FRMD4A: variants seen among roughly 807,000 people sequenced by gnomAD.
The protein encoded by FRMD4A is FERM domain-containing protein 4A.
Under a neutral mutation model 129.1 loss-of-function variants are expected in FRMD4A, and 29 were observed. That is an observed-to-expected ratio of 0.22 (90% CI 0.17 to 0.31). FRMD4A has a LOEUF of 0.31. FRMD4A is among the 10% of genes least tolerant of loss of function. The pLI is 1.00. For missense variants in FRMD4A, 1,272 were observed against 1,375.8 expected (o/e 0.92, Z 1.19); for synonymous variants, 634 against 571.6 (o/e 1.11, Z -1.56).
chr10:14,279,841 G>T (rs1845460744), intron 2 of FRMD4A, among the ~76,000 whole-genome samples: 1 of 152,198 alleles, frequency 6.6e-6, no homozygotes, highest in Non-Finnish European at 1.5e-5. Context: ...TATTCAAAAT[G>T]ACAAGTCTTC....
At chr10:13,957,703 G>A (rs1424758227) in intron 2 of FRMD4A, among the ~76,000 whole-genome samples, 2 of 152,136 alleles carry the variant, frequency 1.3e-5, no homozygotes, top group African/African-American at 4.8e-5. Context: ...TTATTTCTGC[G>A]AGCAATGTGA....
chr10:13,698,664 G>A (rs76621799), intron 14 of FRMD4A, among the ~76,000 whole-genome samples: 8,330 of 152,288 alleles, frequency 0.055, 301 homozygotes, highest in South Asian at 0.12. Context: ...TTTCACAAAC[G>A]TGGTGCCATC....
At chr10:14,007,041 T>G (rs967485578) in intron 2 of FRMD4A, 5 of 143,120 alleles carry the variant, frequency 3.5e-5, no homozygotes, top group Non-Finnish European at 7.6e-5. Flanking sequence ...AAACCTTTAG[T>G]TTTTTTTTTT....
At chr10:13,659,225 G>T in intron 21 of FRMD4A, 98 bp downstream of exon 21, 1 of 1,078,498 alleles carries the variant, frequency 9.3e-7, no homozygotes, top group Non-Finnish European at 1.4e-6. Context: ...GTTCAGGTCT[G>T]ACTGTAGCTC....
chr10:14,063,080 C>G (rs1834888795), intron 2 of FRMD4A, among the ~76,000 whole-genome samples: 1 of 152,186 alleles, frequency 6.6e-6, no homozygotes, highest in Admixed American at 6.5e-5. Context: ...TTACGAAACA[C>G]TTAATATGGG....
chr10:14,106,482 T>C (rs1327002), intron 2 of FRMD4A, among the ~76,000 whole-genome samples: 82,524 of 152,074 alleles, frequency 0.54, 24,808 homozygotes, highest in East Asian at 0.74. Context: ...AATTGGGACA[T>C]TTAAAGTATT....
At chr10:14,076,962 T>C (rs1246188775) in intron 2 of FRMD4A, among the ~76,000 whole-genome samples, 1 of 152,090 alleles carries the variant, frequency 6.6e-6, no homozygotes, top group Non-Finnish European at 1.5e-5. Context: ...GTGTCCAAGC[T>C]GGAGGGTTCT....
intron 12 of FRMD4A, 71 bp downstream of exon 12, chr10:13,737,773 T>C (rs1173431855): frequency 2.3e-6 from 2 of 852,040 alleles, no homozygotes; most frequent in East Asian, 5.0e-5. Context: ...TTAGCATTTT[T>C]AAAGTGACTC....
chr10:13,933,714 A>G (rs2095223443), intron 2 of FRMD4A, among the ~76,000 whole-genome samples: 3 of 152,086 alleles, frequency 2.0e-5, no homozygotes, highest in Admixed American at 6.5e-5. Context: ...TTTTGTTGAT[A>G]TTTTGGGTAG....
chr10:13,720,995 T>C lies in FRMD4A; in HGVS notation c.760-13882A>G, dbSNP rs375805630. Among the ~76,000 whole-genome samples the C allele has an allele frequency of 3.2e-4, 48 of 152,298 alleles. No homozygotes were observed. The East Asian group carries it at 6.2e-3, about 20-fold the overall frequency. ...ACACGAATGGCCACATACCATATGG[T>C]TCCATTTCTAGGAAATGTCCAGAAT... On this transcript the variant is annotated intron_variant, in intron 12 of 24. Transcript: ENST00000357447.
chr10:14,053,422 A>C (rs529875801), intron 2 of FRMD4A, among the ~76,000 whole-genome samples: 1 of 152,274 alleles, frequency 6.6e-6, no homozygotes, highest in African/African-American at 2.4e-5. Flanking sequence ...AACCATGTTA[A>C]TCTTAAAGCT....
At chr10:13,863,387 A>G (rs2094319990) in intron 2 of FRMD4A, among the ~76,000 whole-genome samples, 1 of 151,438 alleles carries the variant, frequency 6.6e-6, no homozygotes, top group South Asian at 2.1e-4. Context: ...TTAGGGACCA[A>G]CCTGGGCAAC....
chr10:14,288,964 T>C (rs1443551071), intron 2 of FRMD4A, among the ~76,000 whole-genome samples: 1 of 152,214 alleles, frequency 6.6e-6, no homozygotes, highest in Non-Finnish European at 1.5e-5. Flanking sequence ...TTCTTCCTTT[T>C]CTTAATAATG....
chr10:14,206,726 G>C (rs1842790316), intron 2 of FRMD4A, among the ~76,000 whole-genome samples: 1 of 147,838 alleles, frequency 6.8e-6, no homozygotes, highest in Non-Finnish European at 1.5e-5. Context: ...AGAATCACTT[G>C]AACTTGGGAG....
intron 4 of FRMD4A, among the ~76,000 whole-genome samples, chr10:13,802,268 C>T (rs2093272111): frequency 2.0e-5 from 3 of 152,130 alleles, no homozygotes; most frequent in Admixed American, 2.0e-4. Flanking sequence ...TAGAGATGGC[C>T]TCAGGGAGAG....
rs2092047528 is a variant in FRMD4A at position 13,760,949 on chromosome 10, G to C, written c.464+698C>G. Among the ~76,000 whole-genome samples, 3 of 150,706 alleles carry C rather than the reference G, an allele frequency of 2.0e-5. No individual in the cohort carries two copies. In the East Asian group the frequency reaches 6.0e-4, roughly 30 times the overall value. On this transcript the variant is annotated intron_variant, in intron 8 of 24. Transcript: ENST00000357447. ...TATCTTTGAGCAGATAGTCCTGCTA[G>C]TGGTTGGCTACACCCTCTGCTCTGT...
At chr10:13,906,426 C>A (rs2131211412) in intron 2 of FRMD4A, among the ~76,000 whole-genome samples, 1 of 152,262 alleles carries the variant, frequency 6.6e-6, no homozygotes, top group South Asian at 2.1e-4. Flanking sequence ...TGAGTTCTAA[C>A]CTTTTCTTCA....
At chr10:14,296,121 C>G (rs1846000637) in intron 2 of FRMD4A, among the ~76,000 whole-genome samples, 1 of 152,084 alleles carries the variant, frequency 6.6e-6, no homozygotes, top group African/African-American at 2.4e-5. Context: ...ACTTCCTACT[C>G]CCAGCGGAAG....
intron 2 of FRMD4A, among the ~76,000 whole-genome samples, chr10:14,142,612 TG>T (rs1320776296): frequency 1.3e-5 from 2 of 152,220 alleles, no homozygotes; most frequent in African/African-American, 4.8e-5. Flanking sequence ...CTTTGTAACA[TG>T]GAAGAGACCT....
Sources: gnomAD v4.1 joint callset for allele counts (sites outside exome capture counted in the v4.1 genomes callset) on GRCh38, gnomAD v4.1.1 for gene constraint, MANE v1.5 for transcripts, NCBI Gene and HGNC (gene_info 2026-07-23, HGNC 2026-07-21) for gene names.